MTHFS: variants seen among roughly 807,000 people sequenced by gnomAD.
MTHFS encodes methenyltetrahydrofolate synthetase.
A neutral mutation model predicts 12.7 loss-of-function variants in MTHFS; 7 were observed. The observed-to-expected ratio is 0.55, with a 90% confidence interval of 0.31 to 1.03. The LOEUF is 1.03. MTHFS is among the 50% of genes least tolerant of loss of function. MTHFS has a pLI of 0.05. For synonymous variants in MTHFS, 100 were observed against 97.1 expected (o/e 1.03, Z -0.18); for missense variants, 252 against 258.1 (o/e 0.98, Z 0.16).
At chr15:79,868,297 G>T (rs543328707) in intron 2 of MTHFS, among the ~76,000 whole-genome samples, 1 of 152,084 alleles carries the variant, frequency 6.6e-6, no homozygotes, top group Non-Finnish European at 1.5e-5. Flanking sequence ...CTGCAACTTC[G>T]AATATAATTT....
At chr15:79,879,854 CT>C in intron 2 of MTHFS, among the ~76,000 whole-genome samples, 1 of 152,266 alleles carries the variant, frequency 6.6e-6, no homozygotes, top group East Asian at 1.9e-4. Context: ...CTAGCTCTTT[CT>C]TGTTTTTTAA....
chr15:79,896,839 C>T lies in MTHFS; in HGVS notation c.117+33G>A, dbSNP rs964029130. The T allele has an allele frequency of 1.8e-5, 28 of 1,538,720 alleles. No homozygotes were observed. The Admixed American group carries it at 2.0e-4, about 11-fold the overall frequency. On this transcript the variant is annotated intron_variant, in intron 1 of 2. Transcript: ENST00000258874. ...GCCGCCAGGCCTTCGGAGGGTCTGT[C>T]CGCCGCGGCTTCCGCTACGGGCGGC...
chr15:79,897,044 C>T, upstream of MTHFS: 14 of 1,466,596 alleles, frequency 9.5e-6, no homozygotes, highest in African/African-American at 1.5e-5. Flanking sequence ...CCCTCGGGTT[C>T]GGTCTCCGCC....
chr15:79,885,677 A>G (rs1016221318), intron 2 of MTHFS, among the ~76,000 whole-genome samples: 3 of 152,234 alleles, frequency 2.0e-5, no homozygotes, highest in African/African-American at 7.2e-5. Flanking sequence ...TAATTTCAAG[A>G]TGCCCATTTG....
In MTHFS at chr15:79,890,207, C is replaced by CTT. The variant is rs71150999; in HGVS notation, c.118-855_118-854dup. Among the ~76,000 whole-genome samples, 148 of 100,732 alleles carry CTT rather than the reference C, an allele frequency of 1.5e-3. 4 individuals are homozygous for CTT. In the East Asian group the frequency reaches 0.016, roughly 11 times the overall value. The allele number at this position is 100,732 out of a possible 152,430, so 66.1% of individuals were successfully genotyped here. On this transcript the variant is annotated intron_variant, in intron 1 of 2. Coordinates refer to ENST00000258874, the MANE Select transcript of MTHFS (RefSeq NM_006441.4). ...AGTTAGCCCTTCGCTCTCTTTTTTC[C>CTT]TTTTTTTTTTTTTTTTTTTTTTTTT...
At chr15:79,884,307 G>C (rs942984628) in intron 2 of MTHFS, among the ~76,000 whole-genome samples, 3 of 152,226 alleles carry the variant, frequency 2.0e-5, no homozygotes, top group African/African-American at 7.2e-5. Context: ...GGAGGCACAA[G>C]TATTAAGATA....
chr15:79,888,127 C>T (rs145522120), intron 2 of MTHFS, among the ~76,000 whole-genome samples: 8 of 152,266 alleles, frequency 5.3e-5, no homozygotes, highest in African/African-American at 1.9e-4. Context: ...GCTTGTTTTG[C>T]TTTCATCTCT....
chr15:79,849,990 G>A (rs1274292142), intron 2 of MTHFS, among the ~76,000 whole-genome samples: 2 of 152,274 alleles, frequency 1.3e-5, no homozygotes, highest in African/African-American at 4.8e-5. Context: ...GCAGTCTGAT[G>A]TGGTGATTAG....
At chr15:79,856,489 ATAAAT>A (rs1360052714) in intron 2 of MTHFS, among the ~76,000 whole-genome samples, 2 of 152,344 alleles carry the variant, frequency 1.3e-5, no homozygotes, top group Admixed American at 1.3e-4. Flanking sequence ...CAATCAAGAA[ATAAAT>A]TAAGTCAGTC....
intron 2 of MTHFS, among the ~76,000 whole-genome samples, chr15:79,860,557 G>C (rs763472564): frequency 2.0e-5 from 3 of 152,100 alleles, no homozygotes; most frequent in Non-Finnish European, 4.4e-5. Context: ...TACAAAAGAT[G>C]AATTAGAAAG....
chr15:79,869,913 G>C (rs1009236371), intron 2 of MTHFS, among the ~76,000 whole-genome samples: 1 of 152,066 alleles, frequency 6.6e-6, no homozygotes, highest in Non-Finnish European at 1.5e-5. Flanking sequence ...ATATATTACA[G>C]ATCCAGAAGA....
intron 2 of MTHFS, among the ~76,000 whole-genome samples, chr15:79,879,453 GA>G (rs1184114926): frequency 6.7e-6 from 1 of 149,854 alleles, no homozygotes; most frequent in Non-Finnish European, 1.5e-5. Context: ...TCAGCCTCCT[GA>G]GTAGCTGGGA....
intron 2 of MTHFS, among the ~76,000 whole-genome samples, chr15:79,884,005 CACAGCAGCA>C (rs1359594668): frequency 7.2e-5 from 11 of 152,196 alleles, no homozygotes; most frequent in Non-Finnish European, 1.3e-4. Context: ...CAACAGCAGC[CACAGCAGCA>C]ACAATGGCAT....
intron 2 of MTHFS, among the ~76,000 whole-genome samples, chr15:79,886,232 C>A (rs1332894756): frequency 6.6e-6 from 1 of 152,214 alleles, no homozygotes; most frequent in African/African-American, 2.4e-5. Context: ...ACAGCCTGAG[C>A]TCTGATCAGC....
Position 79,879,120 on chromosome 15 carries a change from ATTTTCATTTGTATCATGC to A in MTHFS, c.379+9955_379+9972del, listed in dbSNP as rs538316538. Among the ~76,000 whole-genome samples the A allele has an allele frequency of 4.3e-4, 66 of 152,122 alleles. No homozygotes were observed. The South Asian group carries it at 0.014, about 32-fold the overall frequency. On this transcript the variant is annotated intron_variant, in intron 2 of 2. Coordinates refer to ENST00000258874, the MANE Select transcript of MTHFS (RefSeq NM_006441.4). Reference sequence around the variant, plus strand: ...AAAAAATTTAACACAAAAAATTTTCATTTTCATTTGTATCATGCTTTTCATTTGTATCATCCATTAGTG... The same window carrying A: ...AAAAAATTTAACACAAAAAATTTTCATTTTCATTTGTATCATCCATTAGTG...
At chr15:79,889,055 G>C in intron 2 of MTHFS, 38 bp downstream of exon 2, 2 of 1,606,920 alleles carry the variant, frequency 1.2e-6, no homozygotes, top group Non-Finnish European at 1.7e-6. Flanking sequence ...CTAACAACTG[G>C]TCATAATCTA....
intron 2 of MTHFS, among the ~76,000 whole-genome samples, chr15:79,874,768 A>T (rs2034161163): frequency 6.6e-6 from 1 of 152,124 alleles, no homozygotes; most frequent in East Asian, 1.9e-4. Context: ...TCCTTGCTGA[A>T]AAAAAGAATT....
At chr15:79,874,151 A>C (rs2034150928) in intron 2 of MTHFS, among the ~76,000 whole-genome samples, 1 of 152,248 alleles carries the variant, frequency 6.6e-6, no homozygotes, top group South Asian at 2.1e-4. Flanking sequence ...AGAATGGCAG[A>C]GTAGAAAACT....
intron 1 of MTHFS, among the ~76,000 whole-genome samples, chr15:79,895,663 C>A (rs1286328033): frequency 6.6e-6 from 1 of 152,194 alleles, no homozygotes; most frequent in Non-Finnish European, 1.5e-5. Flanking sequence ...TTTGAACGAA[C>A]GAATTAACAT....
Sources: allele counts gnomAD v4.1 joint callset (sites outside exome capture counted in the v4.1 genomes callset), GRCh38; gene constraint gnomAD v4.1.1; transcripts MANE v1.5; gene names NCBI Gene and HGNC (gene_info 2026-07-23, HGNC 2026-07-21).